Variants in CLEC7A observed in about 807,000 individuals in gnomAD.
The protein encoded by CLEC7A is C-type lectin domain family 7 member A.
CLEC7A carries 25 observed loss-of-function variants against 26.9 expected under a neutral mutation model. The ratio of observed to expected loss-of-function variants is 0.93; its 90% confidence interval spans 0.68 to 1.30. The LOEUF is 1.30. Ranked by LOEUF, CLEC7A falls within the 50% of genes most tolerant of loss-of-function variation. The probability of loss-of-function intolerance (pLI) is 0.00; values close to 1 mark genes in which losing one functional copy is unlikely to be tolerated. For synonymous variants in CLEC7A, 100 were observed against 99.5 expected (o/e 1.01, Z -0.03); for missense variants, 275 against 286.7 (o/e 0.96, Z 0.29).
chr12:10,128,905 C>T (rs1948398067), intron 1 of CLEC7A, among the ~76,000 whole-genome samples: 2 of 152,062 alleles, frequency 1.3e-5, no homozygotes, highest in Non-Finnish European at 2.9e-5. Context: ...GTGTCAAAAC[C>T]GACAAATGAT....
At chr12:10,121,491 A>C (rs1305867551) in intron 5 of CLEC7A, among the ~76,000 whole-genome samples, 1 of 152,210 alleles carries the variant, frequency 6.6e-6, no homozygotes, top group Non-Finnish European at 1.5e-5. Flanking sequence ...AAATCACAGA[A>C]CTACAAGCAC....
intron 1 of CLEC7A, among the ~76,000 whole-genome samples, chr12:10,129,063 T>G (rs368164501): frequency 4.5e-4 from 68 of 152,348 alleles, no homozygotes; most frequent in Admixed American, 7.2e-4. Context: ...AAATCACCCA[T>G]TCTATGAATA....
At chr12:10,127,684 G>A (rs1266320415) in intron 2 of CLEC7A, 63 bp downstream of exon 2, 2 of 1,156,344 alleles carry the variant, frequency 1.7e-6, no homozygotes, top group South Asian at 1.3e-5. Flanking sequence ...TTAAAAGAGT[G>A]CCTGGCACAT....
In CLEC7A at chr12:10,118,504, C is replaced by T. The variant is rs141153031; in HGVS notation, c.698G>A (p.Cys233Tyr). 31 of 1,612,380 alleles carry T rather than the reference C, an allele frequency of 1.9e-5. No individual in the cohort carries two copies. In the African/African-American group the frequency reaches 3.1e-4, roughly 16 times the overall value. The change falls in exon 6 of 6, where the codon TGT (cysteine) becomes TAT (tyrosine). Residue 233 changes from cysteine to tyrosine, a missense_variant. Transcript: ENST00000304084. ...IHVSVIYDQL[C>Y]SVPSYSICEK... ...ACAAATACTATATGAGGGCACACTA[C>T]ACAGTTGGTCATAAATGACTGACAC...
upstream of CLEC7A, chr12:10,130,203 C>T (rs536465890): frequency 5.3e-4 from 285 of 542,200 alleles, 4 homozygotes; most frequent in South Asian, 6.6e-3. Context: ...AGGTACTTAC[C>T]GGAGTTTAAC....
chr12:10,123,238 C>T lies in CLEC7A; in HGVS notation c.611+7G>A, dbSNP rs1257930368. 2.6e-6 allele frequency: 4 copies of T among 1,550,810 alleles called. No homozygotes were observed. The Admixed American group carries it at 6.7e-5, about 26-fold the overall frequency. ...AAGGATGAAGCATTGTCTCTCCAAA[C>T]ACTTACAAGTTAGAAGAGAATGTTG... On this transcript the variant is annotated splice_region_variant and intron_variant, in intron 5 of 5. Transcript: ENST00000304084.
At chr12:10,125,000 C>A in intron 4 of CLEC7A, 1 of 298,902 alleles carries the variant, frequency 3.3e-6, no homozygotes. Flanking sequence ...ATTTTGAGAC[C>A]AGCCCAGATG....
At position 10,125,414 on chromosome 12, in the gene CLEC7A, A is replaced by T; in HGVS notation, c.375T>A (p.Ile125=). ...VLSSPCPPNW[I]IYEKSCYLFS... ...ATAGATAACAGCTCTTCTCATATAT[A>T]ATCCAATTAGGAGGACAAGGGCTGG... is the stretch of plus-strand genomic sequence containing the variant. The change falls in exon 4 of 6, where the codon ATT becomes ATA. Residue 125 remains isoleucine (I), a synonymous_variant. Transcript: ENST00000304084. 6.2e-7 allele frequency: 1 copy of T among 1,613,122 alleles called. No individual in the cohort carries two copies. The highest frequency in any genetic ancestry group is 8.5e-7 in the Non-Finnish European group (1 of 1,179,826).
chr12:10,120,730 A>G (rs1948056102), intron 5 of CLEC7A, among the ~76,000 whole-genome samples: 1 of 137,254 alleles, frequency 7.3e-6, no homozygotes, highest in African/African-American at 2.9e-5. Flanking sequence ...GCCCGGCCCA[A>G]GGGCTAGTTT....
chr12:10,124,532 C>CT (rs547520109), intron 4 of CLEC7A, among the ~76,000 whole-genome samples: 11 of 151,102 alleles, frequency 7.3e-5, no homozygotes, highest in East Asian at 1.9e-4. Context: ...TGCTGAGTTG[C>CT]TTTTTTTTTA....
intron 4 of CLEC7A, chr12:10,124,832 G>C (rs1348035018): frequency 6.5e-6 from 1 of 153,650 alleles, no homozygotes; most frequent in Non-Finnish European, 1.4e-5. Context: ...TTTTAAATTA[G>C]TTAAAAATAA....
intron 2 of CLEC7A, 59 bp downstream of exon 2, chr12:10,127,688 G>A: frequency 8.4e-7 from 1 of 1,188,194 alleles, no homozygotes; most frequent in Non-Finnish European, 1.2e-6. Flanking sequence ...AAGAGTGCCT[G>A]GCACATAATA....
Position 10,118,504 on chromosome 12 carries a change from C to A in CLEC7A, c.698G>T (p.Cys233Phe). ...ACAAATACTATATGAGGGCACACTA[C>A]ACAGTTGGTCATAAATGACTGACAC... is the stretch of plus-strand genomic sequence containing the variant. ...IHVSVIYDQL[C>F]SVPSYSICEK... The change falls in exon 6 of 6, where the codon TGT becomes TTT. Residue 233 changes from cysteine (C) to phenylalanine (F), a missense_variant. Physicochemically the swap from Cys to Phe is radical, Grantham distance 205. Coordinates refer to ENST00000304084, the MANE Select transcript of CLEC7A (RefSeq NM_197947.3). 6.2e-7 allele frequency: 1 copy of A among 1,612,380 alleles called. No individual in the cohort carries two copies. The highest frequency in any genetic ancestry group is 8.5e-7 in the Non-Finnish European group (1 of 1,178,452).
chr12:10,124,683 G>A (rs1948213855), intron 4 of CLEC7A: 1 of 151,944 alleles, frequency 6.6e-6, no homozygotes, highest in South Asian at 2.1e-4. Flanking sequence ...TGATGACAAG[G>A]AGAAGAATTT....
chr12:10,127,414 T>C (rs1436186965), intron 2 of CLEC7A: 6 of 1,614,002 alleles, frequency 3.7e-6, no homozygotes, highest in Non-Finnish European at 5.1e-6. Context: ...CATTAATTTA[T>C]CCTTTGAATT....
At chr12:10,127,330 C>T (rs760438355) in intron 2 of CLEC7A, 17 of 1,539,990 alleles carry the variant, frequency 1.1e-5, no homozygotes, top group Non-Finnish European at 1.4e-5. Context: ...AGCTTAATGT[C>T]CATTTAGTGA....
chr12:10,121,335 GA>G (rs953709079), intron 5 of CLEC7A, among the ~76,000 whole-genome samples: 3 of 151,642 alleles, frequency 2.0e-5, no homozygotes, highest in Admixed American at 6.6e-5. Context: ...AAAGAAAGGG[GA>G]AAAAAAGTAA....
chr12:10,129,401 T>C (rs999719043), intron 1 of CLEC7A, among the ~76,000 whole-genome samples: 12 of 152,188 alleles, frequency 7.9e-5, no homozygotes, highest in Non-Finnish European at 1.3e-4. Flanking sequence ...TGATGAAATG[T>C]CTATATCTAT....
At chr12:10,124,187 G>A (rs1216183265) in intron 4 of CLEC7A, among the ~76,000 whole-genome samples, 1 of 152,144 alleles carries the variant, frequency 6.6e-6, no homozygotes, top group East Asian at 1.9e-4. Flanking sequence ...TTATAGGCTG[G>A]CCTAAAAGTC....
Sources: allele counts gnomAD v4.1 joint callset (sites outside exome capture counted in the v4.1 genomes callset), GRCh38; gene constraint gnomAD v4.1.1; transcripts MANE v1.5; gene names NCBI Gene and HGNC (gene_info 2026-07-23, HGNC 2026-07-21).